ADCY9: variants seen among roughly 807,000 people sequenced by gnomAD.
The protein encoded by ADCY9 is adenylate cyclase type 9.
Under a neutral mutation model 101.5 loss-of-function variants are expected in ADCY9, and 50 were observed. The ratio of observed to expected loss-of-function variants is 0.49; its 90% CI spans 0.39 to 0.62. The LOEUF is 0.62. ADCY9 is among the 20% of genes least tolerant of loss of function. ADCY9 has a pLI of 0.00. For synonymous variants in ADCY9, 905 were observed against 769.3 expected (o/e 1.18, Z -2.92); for missense variants, 1,662 against 1,800.4 (o/e 0.92, Z 1.39).
In ADCY9 at chr16:3,965,275, T is replaced by C. The variant is rs940642204; in HGVS notation, c.*500A>G. Reference sequence around the variant, plus strand: ...TCAGATTCATGAATGCAAGTGTGTGTGCGCATGTGTGCTTACATAGAGAGG... The same window carrying C: ...TCAGATTCATGAATGCAAGTGTGTGCGCGCATGTGTGCTTACATAGAGAGG... On this transcript the variant is annotated 3_prime_UTR_variant, in exon 11 of 11. Coordinates refer to ENST00000294016, the MANE Select transcript of ADCY9 (RefSeq NM_001116.4). 1 of 162,896 alleles carries C rather than the reference T, an allele frequency of 6.1e-6. No homozygotes were observed. Among genetic ancestry groups the C allele is most frequent in the East Asian group, 1.7e-4 (1 of 5,734 alleles). 10.1% of individuals were successfully genotyped at this position (162,896 alleles called of 1,614,324 possible).
intron 2 of ADCY9, among the ~76,000 whole-genome samples, chr16:4,085,384 G>T (rs947038117): frequency 2.0e-5 from 3 of 151,956 alleles, no homozygotes; most frequent in Admixed American, 6.6e-5. Flanking sequence ...GAGAGAGAAG[G>T]CACCAGGTTC....
chr16:3,983,301 G>T lies in ADCY9; in HGVS notation c.2450C>A (p.Pro817Gln). 1 of 1,564,278 alleles carries T rather than the reference G, an allele frequency of 6.4e-7. No homozygotes were observed. Among genetic ancestry groups the T allele is most frequent in the South Asian group, 1.2e-5 (1 of 84,896 alleles). The change falls in exon 7 of 11, where the codon CCG (proline) becomes CAG (glutamine). Residue 817 changes from proline to glutamine, a missense_variant. This residue lies in a region of ADCY9 where 624 missense variants were observed against 639.1 expected (regional missense o/e 0.98). Coordinates refer to ENST00000294016, the MANE Select transcript of ADCY9 (RefSeq NM_001116.4). ...LKYEAATVPP[P>Q]PAALAVFSAA... ...ACTGAAGACCGCCAGGGCGGCGGGC[G>T]GGGGAGGCACGGTGGCCGCCTCGTA...
At chr16:3,960,110 G>T (rs1597127097), downstream of ADCY9, among the ~76,000 whole-genome samples, 1 of 152,332 alleles carries the variant, frequency 6.6e-6, no homozygotes, top group East Asian at 1.9e-4. Context: ...GGAGAGTCCA[G>T]AAACGCTAGG....
chr16:4,016,572 T>G (rs893211436), intron 2 of ADCY9, among the ~76,000 whole-genome samples: 5 of 152,108 alleles, frequency 3.3e-5, no homozygotes, highest in African/African-American at 1.2e-4. Context: ...GCACACAGTG[T>G]AGATGATGAA....
chr16:4,002,170 C>A (rs887831743), intron 3 of ADCY9, among the ~76,000 whole-genome samples: 1 of 152,164 alleles, frequency 6.6e-6, no homozygotes, highest in Non-Finnish European at 1.5e-5. Context: ...GCAAGCATCA[C>A]CACTATCAAT....
chr16:3,988,602 GGGGGT>G, intron 6 of ADCY9, among the ~76,000 whole-genome samples: 1 of 139,448 alleles, frequency 7.2e-6, no homozygotes, highest in African/African-American at 2.8e-5. Flanking sequence ...GGCAGGTGGG[GGGGGT>G]TCCTTTACCA....
chr16:3,981,241 C>T (rs1234326097), intron 7 of ADCY9, among the ~76,000 whole-genome samples: 1 of 152,194 alleles, frequency 6.6e-6, no homozygotes, highest in Non-Finnish European at 1.5e-5. Flanking sequence ...GCACCTCACC[C>T]CAGCCCTCGG....
intron 2 of ADCY9, among the ~76,000 whole-genome samples, chr16:4,078,612 G>C (rs1048633877): frequency 1.3e-5 from 2 of 150,722 alleles, no homozygotes; most frequent in Non-Finnish European, 3.0e-5. Context: ...GAAAATATAG[G>C]TTAATATTTT....
intron 2 of ADCY9, among the ~76,000 whole-genome samples, chr16:4,061,501 A>G (rs562115942): frequency 1.3e-4 from 20 of 152,290 alleles, no homozygotes; most frequent in Admixed American, 7.2e-4. Context: ...GAGCACTACC[A>G]TAAGATTAAC....
chr16:4,046,295 T>C (rs905856898), intron 2 of ADCY9, among the ~76,000 whole-genome samples: 1 of 152,144 alleles, frequency 6.6e-6, no homozygotes, highest in Admixed American at 6.6e-5. Context: ...TGCCCAGCAC[T>C]GAACCATAGC....
chr16:4,041,595 A>G (rs1284112935), intron 2 of ADCY9, among the ~76,000 whole-genome samples: 1 of 151,602 alleles, frequency 6.6e-6, no homozygotes, highest in Non-Finnish European at 1.5e-5. Flanking sequence ...GTAGCATTTA[A>G]CTCTGGAATC....
intron 2 of ADCY9, among the ~76,000 whole-genome samples, chr16:4,027,526 G>A (rs532504235): frequency 8.5e-5 from 13 of 152,336 alleles, no homozygotes; most frequent in Middle Eastern, 3.4e-3. Context: ...AGCAAGTCAC[G>A]TCTTCCATGA....
intron 6 of ADCY9, among the ~76,000 whole-genome samples, chr16:3,985,431 C>T (rs2238442): frequency 0.2 from 30,241 of 152,144 alleles, 3,669 homozygotes; most frequent in Non-Finnish European, 0.27. Flanking sequence ...CCACTGTACC[C>T]GGCCAGGTGT....
chr16:4,068,543 G>A (rs979949870), intron 2 of ADCY9, among the ~76,000 whole-genome samples: 3 of 152,092 alleles, frequency 2.0e-5, no homozygotes, highest in South Asian at 2.1e-4. Context: ...GGCCGGGCAC[G>A]GTGGCTCACA....
intron 2 of ADCY9, among the ~76,000 whole-genome samples, chr16:4,025,686 C>T (rs948719180): frequency 3.3e-5 from 5 of 152,116 alleles, no homozygotes; most frequent in South Asian, 2.1e-4. Flanking sequence ...GGGCAGCCCA[C>T]GGGAAGGCAG....
At position 4,115,256 on chromosome 16, in the gene ADCY9, C is replaced by T; in HGVS notation, c.187G>A (p.Val63Ile). 6.2e-7 allele frequency: 1 copy of T among 1,613,280 alleles called. No individual in the cohort carries two copies. The highest frequency in any genetic ancestry group is 1.1e-5 in the South Asian group (1 of 91,022). The change falls in exon 2 of 11, where the codon GTC becomes ATC. Residue 63 changes from valine (V) to isoleucine (I), a missense_variant. Physicochemically the swap from Val to Ile is conservative, Grantham distance 29 (BLOSUM62 3). This residue lies in a region of ADCY9 where 422 missense variants were observed against 392.0 expected (regional missense o/e 1.08). Transcript: ENST00000294016. This position sits in a 1 kb window ranked among gnomAD's most constrained non-coding sequence, Gnocchi z 6.2. ...CCTCCGCCGCCCACTCGCCGGGGGA[C>T]GCCCCCGGAGTCCCCAGAGCTGCTG... The part of the protein sequence containing the change: ...SCSSSGDSGG[V>I]PRRVGGGGRL...
chr16:4,095,820 C>T (rs1385595925), intron 2 of ADCY9, among the ~76,000 whole-genome samples: 1 of 151,612 alleles, frequency 6.6e-6, no homozygotes, highest in African/African-American at 2.4e-5. Context: ...CTACAAAATA[C>T]ACAAAAATTA....
chr16:3,957,854 G>A (rs2055915850), downstream of ADCY9, among the ~76,000 whole-genome samples: 1 of 152,166 alleles, frequency 6.6e-6, no homozygotes, highest in African/African-American at 2.4e-5. Context: ...CATCCTTCCC[G>A]ATCCTGTTTT....
At chr16:4,011,548 G>C (rs1316088663) in intron 2 of ADCY9, among the ~76,000 whole-genome samples, 2 of 152,218 alleles carry the variant, frequency 1.3e-5, no homozygotes, top group Non-Finnish European at 2.9e-5. Context: ...CGAGAGGCAA[G>C]GCTCCCATTA....
Sources: gnomAD v4.1 joint callset for allele counts (sites outside exome capture counted in the v4.1 genomes callset) on GRCh38, gnomAD v4.1.1 for gene constraint, gnomAD v4.1.1 regional missense constraint, Gnocchi (gnomAD v3.1) non-coding constraint, MANE v1.5 for transcripts, NCBI Gene and HGNC (gene_info 2026-07-23, HGNC 2026-07-21) for gene names.